Variants in FRMD3 observed in about 807,000 individuals in gnomAD.
FRMD3 encodes FERM domain containing 3, also known as FERM domain-containing protein 3.
A neutral mutation model predicts 70.2 loss-of-function variants in FRMD3; 33 were observed. The ratio of observed to expected loss-of-function variants is 0.47; its 90% CI spans 0.36 to 0.63. FRMD3 has a LOEUF of 0.63. FRMD3 is among the 20% of genes least tolerant of loss of function. FRMD3 has a pLI of 0.00. For missense variants in FRMD3, 632 were observed against 711.4 expected, an observed-to-expected ratio of 0.89 and a Z score of 1.27; for synonymous variants, 279 against 255.9, an observed-to-expected ratio of 1.09 and a Z score of -0.86.
At chr9:83,336,555 T>G (rs993756912) in intron 5 of FRMD3, among the ~76,000 whole-genome samples, 1 of 150,100 alleles carries the variant, frequency 6.7e-6, no homozygotes, top group African/African-American at 2.5e-5. Context: ...CCCAGCGGGA[T>G]TGCACTTAAA....
At chr9:83,439,020 G>C (rs139089231) in intron 1 of FRMD3, among the ~76,000 whole-genome samples, 12 of 152,314 alleles carry the variant, frequency 7.9e-5, no homozygotes, top group African/African-American at 2.9e-4. Flanking sequence ...CCCATGTGAA[G>C]TTCCTTTAAA....
chr9:83,441,363 T>G (rs72745090), intron 1 of FRMD3, among the ~76,000 whole-genome samples: 17,844 of 152,204 alleles, frequency 0.12, 1,136 homozygotes, highest in South Asian at 0.15. Flanking sequence ...AATTCACCAG[T>G]CGAGGATCCT....
At chr9:83,298,604 G>C in intron 12 of FRMD3, 144 bp downstream of exon 12, 1 of 659,180 alleles carries the variant, frequency 1.5e-6, no homozygotes, top group East Asian at 2.7e-5. Context: ...CCATGGCCCA[G>C]GCAAATCTGT....
chr9:83,364,683 T>C (rs1824732622), intron 3 of FRMD3, among the ~76,000 whole-genome samples: 2 of 152,258 alleles, frequency 1.3e-5, no homozygotes, highest in Admixed American at 1.3e-4. Flanking sequence ...CAGGAAGCCC[T>C]GGGCTACCCC....
intron 1 of FRMD3, among the ~76,000 whole-genome samples, chr9:83,510,663 T>C (rs916642118): frequency 5.9e-5 from 9 of 152,180 alleles, no homozygotes; most frequent in African/African-American, 2.2e-4. Flanking sequence ...TACGTCCATA[T>C]AACGAAATAG....
At position 83,537,572 on chromosome 9, in the gene FRMD3, G is replaced by A. The variant is rs1175838834; in HGVS notation, c.147+513C>T. Among the ~76,000 whole-genome samples, 1 of 152,230 alleles carries A rather than the reference G, an allele frequency of 6.6e-6. No homozygotes were observed. The highest frequency in any genetic ancestry group is 1.5e-5 in the Non-Finnish European group (1 of 68,026). On this transcript the variant is annotated intron_variant, in intron 1 of 13. Coordinates refer to ENST00000304195, the MANE Select transcript of FRMD3 (RefSeq NM_174938.6). This position sits in a 1 kb window ranked among gnomAD's most constrained non-coding sequence, Gnocchi z 4.1. ...GAACTAAAGACCACCGGCGGAGGGT[G>A]AGGGGGACCGACACGGAGCGGAAAG...
intron 4 of FRMD3, among the ~76,000 whole-genome samples, chr9:83,347,253 T>C (rs1823992749): frequency 6.6e-6 from 1 of 152,210 alleles, no homozygotes; most frequent in South Asian, 2.1e-4. Context: ...GGATTCAACA[T>C]AATCCACTGA....
chr9:83,398,442 A>G (rs1333345665), intron 1 of FRMD3, among the ~76,000 whole-genome samples: 2 of 152,232 alleles, frequency 1.3e-5, no homozygotes, highest in Non-Finnish European at 2.9e-5. Flanking sequence ...TCATGGTTGA[A>G]TCTGTGGTTC....
At chr9:83,380,451 T>A (rs868666720) in intron 2 of FRMD3, among the ~76,000 whole-genome samples, 4 of 152,204 alleles carry the variant, frequency 2.6e-5, no homozygotes, top group African/African-American at 9.7e-5. Flanking sequence ...GATGAGGATA[T>A]TGCCAATGAA....
At chr9:83,564,676 C>T in the FRMD3 span, among the ~76,000 whole-genome samples, 10 of 152,322 alleles carry the variant, frequency 6.6e-5, no homozygotes, top group Middle Eastern at 3.4e-3. Flanking sequence ...TAGAGGGAGA[C>T]ATATGCCCAC....
intron 8 of FRMD3, 126 bp downstream of exon 8, chr9:83,311,761 T>C: frequency 1.3e-6 from 1 of 740,786 alleles, no homozygotes; most frequent in Non-Finnish European, 2.3e-6. Context: ...CCCTTTATGA[T>C]GAAGCTCCAA....
chr9:83,573,765 TC>T, the FRMD3 span, among the ~76,000 whole-genome samples: 1 of 145,848 alleles, frequency 6.9e-6, no homozygotes, highest in Non-Finnish European at 1.5e-5. Context: ...TCTCTCTCTC[TC>T]CTCCCCCTGA....
At position 83,467,739 on chromosome 9, in the gene FRMD3, G is replaced by A. The variant is rs1023165319; in HGVS notation, c.147+70346C>T. ...CGTCTTCTGTCTCTGGGAGCTCTAG[G>A]GCTCCAATCTAAGCTCGCTGCAGTT... On this transcript the variant is annotated intron_variant, in intron 1 of 13. Coordinates refer to ENST00000304195, the MANE Select transcript of FRMD3 (RefSeq NM_174938.6). 6 of 1,516,770 alleles carry A rather than the reference G, an allele frequency of 4.0e-6. No individual in the cohort carries two copies. In the African/African-American group the frequency reaches 4.2e-5, roughly 10 times the overall value. 94.0% of individuals were successfully genotyped at this position (1,516,770 alleles called of 1,614,324 possible).
At chr9:83,426,273 A>G (rs1249801923) in intron 1 of FRMD3, among the ~76,000 whole-genome samples, 2 of 152,254 alleles carry the variant, frequency 1.3e-5, no homozygotes, top group Middle Eastern at 6.3e-3. Flanking sequence ...GGAAACAGTT[A>G]CCAACAGCAA....
At chr9:83,298,883 G>T in intron 11 of FRMD3, 67 bp from the exon 12 acceptor site, 2 of 1,452,124 alleles carry the variant, frequency 1.4e-6, no homozygotes, top group Non-Finnish European at 1.9e-6. Flanking sequence ...ATATGCACAA[G>T]TGTCCTTTTG....
chr9:83,309,905 C>T (rs578197662), intron 9 of FRMD3, among the ~76,000 whole-genome samples: 1 of 152,320 alleles, frequency 6.6e-6, no homozygotes, highest in Non-Finnish European at 1.5e-5. Context: ...CTCTCTGTCA[C>T]ACTGGAATTA....
chr9:83,565,031 C>T, the FRMD3 span, among the ~76,000 whole-genome samples: 16 of 152,138 alleles, frequency 1.1e-4, no homozygotes, highest in Admixed American at 8.5e-4. Context: ...GCTGTCAACG[C>T]CAGTGATATT....
intron 1 of FRMD3, among the ~76,000 whole-genome samples, chr9:83,490,759 TCTC>T (rs371808976): frequency 1.4e-5 from 2 of 138,244 alleles, no homozygotes; most frequent in African/African-American, 5.6e-5. Flanking sequence ...AGTTTTTTAC[TCTC>T]TTCTCTCTCT....
At chr9:83,454,185 T>C (rs1827751142) in intron 1 of FRMD3, among the ~76,000 whole-genome samples, 1 of 152,262 alleles carries the variant, frequency 6.6e-6, no homozygotes, top group Admixed American at 6.5e-5. Flanking sequence ...TTTGTAGCTA[T>C]TGTAGGATTA....
Sources: allele counts gnomAD v4.1 joint callset (sites outside exome capture counted in the v4.1 genomes callset), GRCh38; gene constraint gnomAD v4.1.1; non-coding constraint Gnocchi (gnomAD v3.1); transcripts MANE v1.5; gene names NCBI Gene and HGNC (gene_info 2026-07-23, HGNC 2026-07-21).